The following SNTB1 variants were observed in gnomAD, a reference collection of about 807,000 sequenced individuals.
SNTB1 encodes the protein beta-1-syntrophin.
SNTB1 carries 36 observed loss-of-function variants against 48.9 expected under a neutral mutation model. That is an observed-to-expected ratio of 0.74 (90% CI 0.56 to 0.97). SNTB1 has a LOEUF of 0.97. SNTB1 is among the 50% of genes least tolerant of loss of function. SNTB1 has a pLI of 0.00. For missense variants in SNTB1, 786 were observed against 703.4 expected, an observed-to-expected ratio of 1.12 and a Z score of -1.33; for synonymous variants, 299 against 294.6, an observed-to-expected ratio of 1.01 and a Z score of -0.15.
chr8:120,765,059 C>G (rs1169909761), intron 1 of SNTB1, among the ~76,000 whole-genome samples: 2 of 152,096 alleles, frequency 1.3e-5, no homozygotes, highest in African/African-American at 4.8e-5. Flanking sequence ...AACCCCATCA[C>G]TACTAAAAAT....
chr8:120,801,965 T>C (rs1463166397), intron 1 of SNTB1, among the ~76,000 whole-genome samples: 1 of 152,142 alleles, frequency 6.6e-6, no homozygotes, highest in African/African-American at 2.4e-5. Flanking sequence ...GGTCTATTTC[T>C]CATTTTTCCC....
intron 1 of SNTB1, among the ~76,000 whole-genome samples, chr8:120,799,651 A>T (rs1444055304): frequency 6.6e-6 from 1 of 152,010 alleles, no homozygotes; most frequent in African/African-American, 2.4e-5. Context: ...TAGTGGGTCA[A>T]TATGGGGAGA....
chr8:120,624,987 G>A (rs1448660808), intron 3 of SNTB1, among the ~76,000 whole-genome samples: 1 of 152,176 alleles, frequency 6.6e-6, no homozygotes, highest in Non-Finnish European at 1.5e-5. Context: ...CAAATCCTAG[G>A]CACAGTGGGA....
intron 1 of SNTB1, among the ~76,000 whole-genome samples, chr8:120,805,649 T>A (rs1820323362): frequency 6.6e-6 from 1 of 152,238 alleles, no homozygotes; most frequent in South Asian, 2.1e-4. Context: ...GACTTCGGAC[T>A]TTAAAAACTG....
chr8:120,561,319 C>CA (rs1221884195), intron 4 of SNTB1, among the ~76,000 whole-genome samples: 1,323 of 45,216 alleles, frequency 0.029, 19 homozygotes, highest in Non-Finnish European at 0.037. Flanking sequence ...AACTCCATCT[C>CA]AAAAAAAAAA....
At chr8:120,604,639 CG>C (rs1816482430) in intron 3 of SNTB1, among the ~76,000 whole-genome samples, 1 of 151,944 alleles carries the variant, frequency 6.6e-6, no homozygotes, top group Non-Finnish European at 1.5e-5. Flanking sequence ...TTAGTAGAGA[CG>C]GGGTTTCACC....
chr8:120,788,321 A>G (rs1819961659), intron 1 of SNTB1, among the ~76,000 whole-genome samples: 1 of 152,142 alleles, frequency 6.6e-6, no homozygotes, highest in Non-Finnish European at 1.5e-5. Flanking sequence ...TAAGACAAGT[A>G]AGAAAACAAA....
chr8:120,810,479 A>G (rs886730340), intron 1 of SNTB1, among the ~76,000 whole-genome samples: 3 of 152,196 alleles, frequency 2.0e-5, no homozygotes, highest in African/African-American at 7.2e-5. Context: ...ACGCAGGGGA[A>G]ACTGTTTACA....
intron 2 of SNTB1, among the ~76,000 whole-genome samples, chr8:120,644,882 GT>G (rs1227826937): frequency 1.3e-5 from 2 of 152,128 alleles, no homozygotes; most frequent in African/African-American, 4.8e-5. Flanking sequence ...GTATCTCACT[GT>G]TGTTTTGATT....
At chr8:120,612,617 G>A (rs893789074) in intron 3 of SNTB1, among the ~76,000 whole-genome samples, 1 of 152,058 alleles carries the variant, frequency 6.6e-6, no homozygotes, top group Non-Finnish European at 1.5e-5. Flanking sequence ...GCAATGGCTC[G>A]ATCTCAACTC....
intron 1 of SNTB1, among the ~76,000 whole-genome samples, chr8:120,780,457 A>T (rs1819814980): frequency 6.6e-6 from 1 of 152,222 alleles, no homozygotes; most frequent in Non-Finnish European, 1.5e-5. Flanking sequence ...TGCTCAAAGA[A>T]ACCCAAAATG....
chr8:120,549,097 C>T, intron 4 of SNTB1, 139 bp from the exon 5 acceptor site: 1 of 627,716 alleles, frequency 1.6e-6, no homozygotes, highest in Non-Finnish European at 2.7e-6. Context: ...ATACCCTGCT[C>T]TTCTGCCATC....
chr8:120,555,782 G>C (rs552846384), intron 4 of SNTB1, among the ~76,000 whole-genome samples: 25 of 152,222 alleles, frequency 1.6e-4, no homozygotes, highest in African/African-American at 5.5e-4. Flanking sequence ...TCCTAAGAGT[G>C]GGGCATTAAT....
At chr8:120,799,987 AG>A (rs1259525823) in intron 1 of SNTB1, among the ~76,000 whole-genome samples, 12 of 152,242 alleles carry the variant, frequency 7.9e-5, no homozygotes, top group African/African-American at 2.9e-4. Flanking sequence ...CAGCTACTGC[AG>A]AAAACTCACT....
chr8:120,796,823 G>A (rs900633859), intron 1 of SNTB1, among the ~76,000 whole-genome samples: 1 of 151,946 alleles, frequency 6.6e-6, no homozygotes, highest in Non-Finnish European at 1.5e-5. Context: ...GAACACTCAC[G>A]TGGCAAAGCT....
chr8:120,793,226 G>A (rs1469697938), intron 1 of SNTB1, among the ~76,000 whole-genome samples: 1 of 152,010 alleles, frequency 6.6e-6, no homozygotes, highest in African/African-American at 2.4e-5. Context: ...TAAGGAGAGG[G>A]TGGGGGAAAG....
intron 3 of SNTB1, among the ~76,000 whole-genome samples, chr8:120,575,895 C>A (rs1312266226): frequency 1.3e-5 from 2 of 152,208 alleles, no homozygotes; most frequent in Non-Finnish European, 2.9e-5. Flanking sequence ...CCCTTCTAAT[C>A]TGGAGAATCT....
chr8:120,545,046 G>C (rs1815354302), intron 5 of SNTB1, among the ~76,000 whole-genome samples: 1 of 152,112 alleles, frequency 6.6e-6, no homozygotes, highest in Non-Finnish European at 1.5e-5. Flanking sequence ...ACATCTTTCA[G>C]AATACTACTG....
At chr8:120,676,474 C>A (rs933028499) in intron 2 of SNTB1, among the ~76,000 whole-genome samples, 1 of 152,190 alleles carries the variant, frequency 6.6e-6, no homozygotes, top group Admixed American at 6.5e-5. Context: ...GATTACAAAG[C>A]CACATGCTCT....
Sources: gnomAD v4.1 joint callset for allele counts (sites outside exome capture counted in the v4.1 genomes callset) on GRCh38, gnomAD v4.1.1 for gene constraint, MANE v1.5 for transcripts, NCBI Gene and HGNC (gene_info 2026-07-23, HGNC 2026-07-21) for gene names.